Variants in ELMO1 observed in about 807,000 individuals in gnomAD.
The protein encoded by ELMO1 is engulfment and cell motility 1.
A neutral mutation model predicts 98.9 loss-of-function variants in ELMO1; 26 were observed. That is an observed-to-expected ratio of 0.26 (90% CI 0.19 to 0.36). The LOEUF (loss-of-function observed/expected upper bound fraction) is 0.36. Ranked by LOEUF, ELMO1 falls within the 10% of genes least tolerant of loss-of-function variation. The pLI is 1.00. For missense variants in ELMO1, 627 were observed against 935.2 expected (o/e 0.67, Z 4.30); for synonymous variants, 346 against 346.0 (o/e 1.00, Z 0.00).
At chr7:36,981,624 A>G (rs1204547799) in intron 16 of ELMO1, among the ~76,000 whole-genome samples, 3 of 152,136 alleles carry the variant, frequency 2.0e-5, no homozygotes, top group Non-Finnish European at 4.4e-5. Flanking sequence ...CACGTTCCAT[A>G]CTGAGTTGAG....
chr7:37,236,513 A>G (rs1461131761), intron 7 of ELMO1, among the ~76,000 whole-genome samples: 3 of 152,244 alleles, frequency 2.0e-5, no homozygotes, highest in Admixed American at 2.0e-4. Flanking sequence ...AGAGACAGAT[A>G]GGAATATATA....
At chr7:37,286,808 G>C (rs1480241573) in intron 4 of ELMO1, among the ~76,000 whole-genome samples, 1 of 152,138 alleles carries the variant, frequency 6.6e-6, no homozygotes, top group Non-Finnish European at 1.5e-5. Context: ...CTCTGGTGAA[G>C]TCTATGGATC....
Position 36,854,081 on chromosome 7 carries a change from G to A in ELMO1, c.*1470C>T, listed in dbSNP as rs961444487. Among the ~76,000 whole-genome samples, 1 of 148,868 alleles carries A rather than the reference G, an allele frequency of 6.7e-6. No homozygotes were observed. Among genetic ancestry groups the A allele is most frequent in the Non-Finnish European group, 1.5e-5 (1 of 67,532 alleles). ...ATGGTCAAGAGACAGCAATGTAAAA[G>A]GAATAGATATTTTCATACAGTGGGT... On this transcript the variant is annotated 3_prime_UTR_variant, in exon 22 of 22. Transcript: ENST00000310758.
chr7:37,338,509 C>G (rs1298462439), intron 2 of ELMO1, among the ~76,000 whole-genome samples: 1 of 152,094 alleles, frequency 6.6e-6, no homozygotes, highest in Non-Finnish European at 1.5e-5. Context: ...TTCTGTTGTT[C>G]ATAAATTTCC....
chr7:37,177,282 T>G (rs898394170), intron 13 of ELMO1, among the ~76,000 whole-genome samples: 1 of 152,204 alleles, frequency 6.6e-6, no homozygotes, highest in Admixed American at 6.5e-5. Context: ...TGTCAATGGT[T>G]GCCAAACACA....
chr7:37,138,013 A>T (rs1787376236), intron 13 of ELMO1, among the ~76,000 whole-genome samples: 2 of 152,162 alleles, frequency 1.3e-5, no homozygotes, highest in Admixed American at 6.5e-5. Flanking sequence ...GATGGAAATT[A>T]AAAAAATATT....
At chr7:36,997,373 G>A (rs1395713591) in intron 16 of ELMO1, among the ~76,000 whole-genome samples, 1 of 152,208 alleles carries the variant, frequency 6.6e-6, no homozygotes, top group East Asian at 1.9e-4. Flanking sequence ...ATGCTGGCAT[G>A]TGTTCCTGCA....
At chr7:37,034,016 T>C (rs1460277469) in intron 15 of ELMO1, among the ~76,000 whole-genome samples, 1 of 152,188 alleles carries the variant, frequency 6.6e-6, no homozygotes, top group Non-Finnish European at 1.5e-5. Context: ...ACAAATCAGA[T>C]ATACGTTTAG....
chr7:36,908,024 A>G (rs1163963765), intron 16 of ELMO1, among the ~76,000 whole-genome samples: 1 of 152,236 alleles, frequency 6.6e-6, no homozygotes, highest in Non-Finnish European at 1.5e-5. Flanking sequence ...GACTAATCCA[A>G]GTGTTTTTCC....
chr7:37,362,422 C>A (rs2131330777), intron 1 of ELMO1, among the ~76,000 whole-genome samples: 1 of 152,228 alleles, frequency 6.6e-6, no homozygotes, highest in Non-Finnish European at 1.5e-5. Flanking sequence ...CTGTGATAAG[C>A]CACTAGCACT....
At position 37,206,606 on chromosome 7, in the gene ELMO1, G is replaced by A. The variant is rs74428714; in HGVS notation, c.1086+4780C>T. On this transcript the variant is annotated intron_variant, in intron 13 of 21. Coordinates refer to ENST00000310758, the MANE Select transcript of ELMO1 (RefSeq NM_014800.11). The stretch of plus-strand genomic sequence containing the variant: ...TGTAATTTTGTGTAATTATACTTGT[G>A]TAACTACAGATAATTATCTTCCATC... 2.6e-3 allele frequency among the ~76,000 whole-genome samples: 401 copies of A among 152,232 alleles called. 1 individual carries two copies. The highest frequency in any genetic ancestry group is 9.4e-3 in the African/African-American group (392 of 41,520).
chr7:36,853,079 TG>T lies in ELMO1; in HGVS notation c.*2471del, dbSNP rs1482331064. On this transcript the variant is annotated 3_prime_UTR_variant, in exon 22 of 22. Transcript: ENST00000310758. Reference sequence around the variant, plus strand: ...AGTTGGAGGTGGTAGGCTCATTGCATGGGAAAAAAAGCCTTGGGCAGCCTGG... The same window carrying T: ...AGTTGGAGGTGGTAGGCTCATTGCATGGAAAAAAAGCCTTGGGCAGCCTGG... Among the ~76,000 whole-genome samples, 3 of 151,952 alleles carry T rather than the reference TG, an allele frequency of 2.0e-5. No individual in the cohort carries two copies. The highest frequency in any genetic ancestry group is 7.3e-5 in the African/African-American group (3 of 41,352).
chr7:37,233,911 G>A (rs1794318976), intron 7 of ELMO1, among the ~76,000 whole-genome samples: 1 of 152,152 alleles, frequency 6.6e-6, no homozygotes, highest in Non-Finnish European at 1.5e-5. Flanking sequence ...GATTCAGTAG[G>A]CTATAAGGTG....
intron 1 of ELMO1, among the ~76,000 whole-genome samples, chr7:37,355,164 G>T (rs950420762): frequency 2.6e-5 from 4 of 152,178 alleles, no homozygotes; most frequent in African/African-American, 9.7e-5. Flanking sequence ...GTTGGCCTGG[G>T]TGTTAATCCT....
chr7:36,969,470 G>A (rs947697042), intron 16 of ELMO1, among the ~76,000 whole-genome samples: 1 of 152,124 alleles, frequency 6.6e-6, no homozygotes, highest in African/African-American at 2.4e-5. Flanking sequence ...CCCAATTTAA[G>A]ATCTGTGTCA....
At chr7:37,257,444 G>A (rs914791803) in intron 6 of ELMO1, among the ~76,000 whole-genome samples, 1 of 151,478 alleles carries the variant, frequency 6.6e-6, no homozygotes, top group Non-Finnish European at 1.5e-5. Flanking sequence ...CAAAAATTAG[G>A]CCAGGCACGG....
chr7:36,939,225 T>C, intron 16 of ELMO1, among the ~76,000 whole-genome samples: 1 of 152,034 alleles, frequency 6.6e-6, no homozygotes, highest in African/African-American at 2.4e-5. Context: ...ACTTGGCCAC[T>C]TACCGAAGAC....
intron 16 of ELMO1, among the ~76,000 whole-genome samples, chr7:36,898,744 CA>C (rs1225523985): frequency 6.6e-6 from 1 of 152,250 alleles, no homozygotes; most frequent in Non-Finnish European, 1.5e-5. Flanking sequence ...CATCCAGCAT[CA>C]TTTATCCATT....
chr7:37,206,821 A>G (rs1381055268), intron 13 of ELMO1, among the ~76,000 whole-genome samples: 1 of 151,850 alleles, frequency 6.6e-6, no homozygotes, highest in Non-Finnish European at 1.5e-5. Context: ...TTGAGAAACA[A>G]TTTCTTTTTT....
Sources: allele counts gnomAD v4.1 joint callset (sites outside exome capture counted in the v4.1 genomes callset), GRCh38; gene constraint gnomAD v4.1.1; transcripts MANE v1.5; gene names NCBI Gene and HGNC (gene_info 2026-07-23, HGNC 2026-07-21).